The following CD37 variants were observed in gnomAD, a reference collection of about 807,000 sequenced individuals.
CD37 encodes leukocyte antigen CD37.
Under a neutral mutation model 38.9 loss-of-function variants are expected in CD37, and 37 were observed. The ratio of observed to expected loss-of-function variants is 0.95; its 90% CI spans 0.73 to 1.25. CD37 has a LOEUF of 1.25. CD37 is among the 50% of genes most tolerant of loss of function. The pLI is 0.00. For synonymous variants in CD37, 146 were observed against 150.1 expected, an observed-to-expected ratio of 0.97 and a Z score of 0.20; for missense variants, 351 against 360.1, an observed-to-expected ratio of 0.97 and a Z score of 0.20.
At position 49,337,200 on chromosome 19, in the gene CD37, C is replaced by T. The variant is rs201639028; in HGVS notation, c.321C>T (p.Leu107=). The T allele has an allele frequency of 1.6e-4, 257 of 1,614,172 alleles. No individual in the cohort carries two copies. The highest frequency in any genetic ancestry group is 2.0e-4 in the Non-Finnish European group (238 of 1,180,034). Residue 107 remains leucine, a synonymous_variant, in exon 4 of 8, where the codon CTC becomes CTT. Transcript: ENST00000323906. ...CCACACAGATCACCCTGGGAATCCTCATCTCCACTCAGCGGGCCCAGGTGA... is the reference window on the plus strand; with the variant it reads ...CCACACAGATCACCCTGGGAATCCTTATCTCCACTCAGCGGGCCCAGGTGA... ...LFATQITLGI[L]ISTQRAQLER...
rs910644685 is a variant in CD37 at position 49,339,736 on chromosome 19, G to A, written c.768+323G>A. The A allele has an allele frequency of 6.4e-6, 9 of 1,398,006 alleles. No individual in the cohort carries two copies. In the African/African-American group the frequency reaches 1.2e-4, roughly 18 times the overall value. 86.6% of individuals were successfully genotyped at this position (1,398,006 alleles called of 1,614,324 possible). A position where few individuals can be genotyped will look rare whatever the true frequency, so the allele number is the denominator to read the frequency against. Reference sequence around the variant, plus strand: ...ATGCGAGCCGCACGTGCCGGGCGCTGGGGATTCGAGCCCCGGGCCCAGCCT... The same window carrying A: ...ATGCGAGCCGCACGTGCCGGGCGCTAGGGATTCGAGCCCCGGGCCCAGCCT... On this transcript the variant is annotated intron_variant, in intron 7 of 7. Transcript: ENST00000323906. This position sits in a 1 kb window ranked among gnomAD's most constrained non-coding sequence, Gnocchi z 4.5.
Position 49,339,004 on chromosome 19 carries a change from GT to G in CD37, c.684+69del. ...GCCTGCGGGAGGGGGAGGGCTGTCA[GT>G]GAGTAGCGGCCTGAGAAAGGGCGGG... On this transcript the variant is annotated intron_variant, in intron 6 of 7. Coordinates refer to ENST00000323906, the MANE Select transcript of CD37 (RefSeq NM_001774.3). This position sits in a 1 kb window ranked among gnomAD's most constrained non-coding sequence, Gnocchi z 4.5. The G allele has an allele frequency of 8.0e-7, 1 of 1,248,354 alleles. No homozygotes were observed. Among genetic ancestry groups the G allele is most frequent in the Non-Finnish European group, 1.2e-6 (1 of 862,038 alleles). 77.3% of individuals were successfully genotyped at this position (1,248,354 alleles called of 1,614,324 possible).
In CD37 at chr19:49,335,743, C is replaced by T. The variant is rs199598500; in HGVS notation, c.99C>T (p.Gly33=). ...TCGGCAGCCTGATCTTCTGCTTCGGCATCTGGATCCTCATTGACAAGACCA... is the reference window on the plus strand; with the variant it reads ...TCGGCAGCCTGATCTTCTGCTTCGGTATCTGGATCCTCATTGACAAGACCA... ...FVLGSLIFCF[G]IWILIDKTSF... The change falls in exon 2 of 8, where the codon GGC becomes GGT. Residue 33 remains glycine (G), a synonymous_variant. Coordinates refer to ENST00000323906, the MANE Select transcript of CD37 (RefSeq NM_001774.3). The surrounding 1 kb of genome is among the most constrained non-coding windows in gnomAD (Gnocchi z 4.6). The T allele has an allele frequency of 2.0e-5, 32 of 1,613,342 alleles. No homozygotes were observed. Among genetic ancestry groups the T allele is most frequent in the Non-Finnish European group, 2.5e-5 (29 of 1,179,754 alleles).
Position 49,335,804 on chromosome 19 carries a change from A to G in CD37, c.142+18A>G, listed in dbSNP as rs745800937. 2 of 884,504 alleles carry G rather than the reference A, an allele frequency of 2.3e-6. No homozygotes were observed. Among genetic ancestry groups the G allele is most frequent in the South Asian group, 1.3e-5 (1 of 77,094 alleles). The allele number at this position is 884,504 out of a possible 1,614,324, so 54.8% of individuals were successfully genotyped here. A position where few individuals can be genotyped will look rare whatever the true frequency, so the allele number is the denominator to read the frequency against. On this transcript the variant is annotated intron_variant, in intron 2 of 7. Coordinates refer to ENST00000323906, the MANE Select transcript of CD37 (RefSeq NM_001774.3). The surrounding 1 kb of genome is among the most constrained non-coding windows in gnomAD (Gnocchi z 4.6). ...CTTTGTGGGTGAGGGGGGCTGGGGC[A>G]GGTGGGAGGGCCTCCCCCAACCCAA...
Position 49,338,798 on chromosome 19 carries a change from C to T in CD37, c.546C>T (p.Tyr182=). 12 of 1,613,952 alleles carry T rather than the reference C, an allele frequency of 7.4e-6. No homozygotes were observed. Among genetic ancestry groups the T allele is most frequent in the Non-Finnish European group, 1.0e-5 (12 of 1,180,002 alleles). Residue 182 remains tyrosine (Y), a synonymous_variant, in exon 6 of 8, where the codon TAC becomes TAT. Coordinates refer to ENST00000323906, the MANE Select transcript of CD37 (RefSeq NM_001774.3). The surrounding 1 kb of genome is among the most constrained non-coding windows in gnomAD (Gnocchi z 5.0). Reference sequence around the variant, plus strand: ...CGCACCGCGTGCCCTGCTCCTGCTACAACTTGTCGGCGACCAACGACTCCA... The same window carrying T: ...CGCACCGCGTGCCCTGCTCCTGCTATAACTTGTCGGCGACCAACGACTCCA... ...SEAHRVPCSC[Y]NLSATNDSTI... is the part of the protein sequence containing the mutation.
chr19:49,338,856 A>G lies in CD37; in HGVS notation c.604A>G (p.Ser202Gly). The G allele has an allele frequency of 6.2e-7, 1 of 1,614,170 alleles. No homozygotes were observed. The highest frequency in any genetic ancestry group is 2.2e-5 in the East Asian group (1 of 44,886). ...ILDKVILPQL[S>G]RLGHLARSRH... is the part of the protein sequence containing the mutation. The stretch of plus-strand genomic sequence containing the variant: ...AGATAAGGTGATCTTGCCCCAGCTC[A>G]GCAGGCTTGGACACCTGGCGCGGTC... Residue 202 changes from serine (S) to glycine (G), a missense_variant, in exon 6 of 8, where the codon AGC becomes GGC. Ser to Gly is a moderately conservative substitution (Grantham distance 56). Coordinates refer to ENST00000323906, the MANE Select transcript of CD37 (RefSeq NM_001774.3). The surrounding 1 kb of genome is among the most constrained non-coding windows in gnomAD (Gnocchi z 5.0).
At position 49,335,671 on chromosome 19, in the gene CD37, T is replaced by C; in HGVS notation, c.70-43T>C. On this transcript the variant is annotated intron_variant, in intron 1 of 7. Transcript: ENST00000323906. The surrounding 1 kb of genome is among the most constrained non-coding windows in gnomAD (Gnocchi z 4.6). ...CCCTGCCGCTAACCCAGCCCTCATC[T>C]TCCCCTGTGGCCCACCCCCGTATCC... 19 of 1,611,418 alleles carry C rather than the reference T, an allele frequency of 1.2e-5. No homozygotes were observed. Among genetic ancestry groups the C allele is most frequent in the Non-Finnish European group, 1.6e-5 (19 of 1,177,684 alleles).
At chr19:49,337,511 A>G in intron 4 of CD37, 1 of 703,168 alleles carries the variant, frequency 1.4e-6, no homozygotes, top group Admixed American at 3.1e-5. Context: ...GGTCCCAGCT[A>G]CTTGGGAGGT....
chr19:49,335,557 G>A lies in CD37; in HGVS notation c.17G>A (p.Ser6Asn), dbSNP rs959121468. 4 of 1,613,868 alleles carry A rather than the reference G, an allele frequency of 2.5e-6. No homozygotes were observed. In the African/African-American group the frequency reaches 5.3e-5, roughly 22 times the overall value. MSAQE[S>N]CLSLIKYFLF... The stretch of plus-strand genomic sequence containing the variant: ...TAGGTGAAGATGTCAGCCCAGGAGA[G>A]CTGCCTCAGCCTCATCAAGTACTTC... The change falls in exon 1 of 8, where the codon AGC becomes AAC. Residue 6 changes from serine (S) to asparagine (N), a missense_variant. Physicochemically the swap from Ser to Asn is conservative, Grantham distance 46. Coordinates refer to ENST00000323906, the MANE Select transcript of CD37 (RefSeq NM_001774.3). This position sits in a 1 kb window ranked among gnomAD's most constrained non-coding sequence, Gnocchi z 4.6.
chr19:49,336,023 G>A (rs183623102), intron 2 of CD37: 2 of 574,134 alleles, frequency 3.5e-6, no homozygotes, highest in East Asian at 5.7e-5. Flanking sequence ...GTCGGGACTT[G>A]TGGCTGGTCA....
chr19:49,337,886 C>A (rs377763244), intron 4 of CD37, 39 bp from the exon 5 acceptor site: 3 of 1,209,554 alleles, frequency 2.5e-6, no homozygotes, highest in Non-Finnish European at 3.6e-6. Flanking sequence ...AGGGGTGGGG[C>A]GGGGAAGATA....
intron 2 of CD37, chr19:49,336,056 T>G: frequency 3.9e-6 from 2 of 511,256 alleles, no homozygotes; most frequent in Non-Finnish European, 7.0e-6. Flanking sequence ...AACCTTCCCC[T>G]CGCTTGAGGT....
chr19:49,340,314 G>A lies in CD37; in HGVS notation c.832G>A (p.Ala278Thr). Residue 278 changes from alanine (A) to threonine (T), a missense_variant, in exon 8 of 8, where the codon GCT becomes ACT. Coordinates refer to ENST00000323906, the MANE Select transcript of CD37 (RefSeq NM_001774.3). ...RNLDHVYNRLARYR is the reference protein window; with the variant it reads ...RNLDHVYNRLTRYR ...CCTGGACCACGTCTACAACCGGCTC[G>A]CTCGATACCGTTAGGCCCCGCCCTC... 2.5e-6 allele frequency: 4 copies of A among 1,613,064 alleles called. No individual in the cohort carries two copies. Among genetic ancestry groups the A allele is most frequent in the East Asian group, 2.2e-5 (1 of 44,860 alleles).
rs1971126667 is a variant in CD37 at position 49,339,661 on chromosome 19, A to G, written c.768+248A>G. 2 of 1,427,218 alleles carry G rather than the reference A, an allele frequency of 1.4e-6. No homozygotes were observed. Among genetic ancestry groups the G allele is most frequent in the Non-Finnish European group, 9.1e-7 (1 of 1,095,558 alleles). The allele number at this position is 1,427,218 out of a possible 1,614,324, so 88.4% of individuals were successfully genotyped here. On this transcript the variant is annotated intron_variant, in intron 7 of 7. Coordinates refer to ENST00000323906, the MANE Select transcript of CD37 (RefSeq NM_001774.3). The surrounding 1 kb of genome is among the most constrained non-coding windows in gnomAD (Gnocchi z 4.5). ...TCTCCCTCCCCTTTCTCCGCAGATG[A>G]CTGTCATGGTGCTGAGCGTACAGCT...
In CD37 at chr19:49,338,844, T is replaced by C. The variant is rs1184279512; in HGVS notation, c.592T>C (p.Leu198=). ...CTCCACAATCCTAGATAAGGTGATC[T>C]TGCCCCAGCTCAGCAGGCTTGGACA... ...NDSTILDKVI[L]PQLSRLGHLA... is the part of the protein sequence containing the mutation. Residue 198 remains leucine, a synonymous_variant, in exon 6 of 8, where the codon TTG becomes CTG. Transcript: ENST00000323906. This position sits in a 1 kb window ranked among gnomAD's most constrained non-coding sequence, Gnocchi z 5.0. The C allele has an allele frequency of 1.9e-6, 3 of 1,614,142 alleles. No individual in the cohort carries two copies. The highest frequency in any genetic ancestry group is 2.5e-6 in the Non-Finnish European group (3 of 1,180,022).
At chr19:49,340,206 C>T in intron 7 of CD37, 45 bp from the exon 8 acceptor site, 1 of 1,564,102 alleles carries the variant, frequency 6.4e-7, no homozygotes, top group Non-Finnish European at 8.8e-7. Flanking sequence ...CCCCGTCTCG[C>T]CAGCACCCCT....
In CD37 at chr19:49,338,001, A is replaced by G; in HGVS notation, c.419A>G (p.Glu140Gly). 1 of 1,614,006 alleles carries G rather than the reference A, an allele frequency of 6.2e-7. No individual in the cohort carries two copies. The highest frequency in any genetic ancestry group is 8.5e-7 in the Non-Finnish European group (1 of 1,179,968). ...YGTNPEETAA[E>G]ESWDYVQFQL... ...ACCAACCCCGAGGAGACCGCGGCCG[A>G]GGAGAGCTGGGACTATGTGCAGTTC... The change falls in exon 5 of 8, where the codon GAG becomes GGG. Residue 140 changes from glutamate (E) to glycine (G), a missense_variant. By Grantham distance (98) the Glu-to-Gly change is moderately conservative. Transcript: ENST00000323906. The surrounding 1 kb of genome is among the most constrained non-coding windows in gnomAD (Gnocchi z 5.0).
At position 49,339,575 on chromosome 19, in the gene CD37, C is replaced by A; in HGVS notation, c.768+162C>A. 6.9e-7 allele frequency: 1 copy of A among 1,456,550 alleles called. No homozygotes were observed. Among genetic ancestry groups the A allele is most frequent in the South Asian group, 1.4e-5 (1 of 72,262 alleles). The allele number at this position is 1,456,550 out of a possible 1,614,324, so 90.2% of individuals were successfully genotyped here. A position where few individuals can be genotyped will look rare whatever the true frequency, so the allele number is the denominator to read the frequency against. On this transcript the variant is annotated intron_variant, in intron 7 of 7. Coordinates refer to ENST00000323906, the MANE Select transcript of CD37 (RefSeq NM_001774.3). The surrounding 1 kb of genome is among the most constrained non-coding windows in gnomAD (Gnocchi z 4.5). ...ACCCAGCACCGGAGGGTGGGGGCGG[C>A]CCAGCTTCAGGGAGCCCTGATTGGG...
At chr19:49,336,230 G>A (rs1970949061) in intron 2 of CD37, 2 of 178,608 alleles carry the variant, frequency 1.1e-5, no homozygotes, top group Admixed American at 5.5e-5. Context: ...GTTGAGGACT[G>A]GGTTGAACAC....
Sources: gnomAD v4.1 joint callset for allele counts on GRCh38, gnomAD v4.1.1 for gene constraint, Gnocchi (gnomAD v3.1) non-coding constraint, MANE v1.5 for transcripts, NCBI Gene and HGNC (gene_info 2026-07-23, HGNC 2026-07-21) for gene names.